SLIT3: variants seen among roughly 807,000 people sequenced by gnomAD.
The protein encoded by SLIT3 is slit guidance ligand 3.
Under a neutral mutation model 184.0 loss-of-function variants are expected in SLIT3, and 68 were observed. The observed-to-expected ratio is 0.37, with a 90% CI of 0.30 to 0.45. The LOEUF (loss-of-function observed/expected upper bound fraction) is 0.45, where lower values mean the gene tolerates loss of function less well. Ranked by LOEUF, SLIT3 falls within the 20% of genes least tolerant of loss-of-function variation. The pLI is 1.00. For missense variants in SLIT3, 1,707 were observed against 2,026.0 expected, an observed-to-expected ratio of 0.84 and a Z score of 3.02; for synonymous variants, 831 against 828.6, an observed-to-expected ratio of 1.00 and a Z score of -0.05.
chr5:168,994,186 T>C (rs1426509486), intron 4 of SLIT3: 2 of 152,198 alleles, frequency 1.3e-5, no homozygotes, highest in African/African-American at 4.8e-5. Context: ...CCACAACCCC[T>C]TGGTAAGAGT....
At chr5:169,187,119 T>TTTTTTTTTG in intron 4 of SLIT3, among the ~76,000 whole-genome samples, 1 of 140,704 alleles carries the variant, frequency 7.1e-6, no homozygotes, top group African/African-American at 2.6e-5. Flanking sequence ...AGGTTTTTTT[T>TTTTTTTTTG]TTTTTTTTTT....
chr5:169,236,715 C>T (rs1765214408), intron 3 of SLIT3, among the ~76,000 whole-genome samples: 1 of 152,118 alleles, frequency 6.6e-6, no homozygotes, highest in Non-Finnish European at 1.5e-5. Flanking sequence ...CATGATCCAC[C>T]CACCTTGGGC....
chr5:168,969,685 A>C (rs925653287), intron 4 of SLIT3, among the ~76,000 whole-genome samples: 2 of 152,144 alleles, frequency 1.3e-5, no homozygotes, highest in African/African-American at 4.8e-5. Flanking sequence ...GATAAATGGG[A>C]ACGAGACACC....
chr5:168,891,475 A>AT lies in SLIT3; in HGVS notation c.414-8140dup, dbSNP rs1210707055. 1.5e-4 allele frequency among the ~76,000 whole-genome samples: 23 copies of AT among 152,294 alleles called. 1 individual carries two copies. The East Asian group carries it at 4.3e-3, about 28-fold the overall frequency. The stretch of plus-strand genomic sequence containing the variant: ...CTTGGAGGGGAGACTGGTTGCTGGG[A>AT]TTAGGACATTCCTGGTAAGGCCTCA... On this transcript the variant is annotated intron_variant, in intron 4 of 35. Coordinates refer to ENST00000519560, the MANE Select transcript of SLIT3 (RefSeq NM_003062.4).
intron 4 of SLIT3, among the ~76,000 whole-genome samples, chr5:168,959,679 C>G (rs1347574686): frequency 1.3e-5 from 2 of 152,122 alleles, no homozygotes; most frequent in African/African-American, 4.8e-5. Context: ...GCGTCTGGAG[C>G]TTGAGGACAC....
intron 4 of SLIT3, among the ~76,000 whole-genome samples, chr5:169,072,970 G>A (rs957196386): frequency 2.0e-5 from 3 of 152,212 alleles, no homozygotes; most frequent in Non-Finnish European, 4.4e-5. Context: ...CCTCAAATAT[G>A]TGGGTAGCTT....
intron 4 of SLIT3, among the ~76,000 whole-genome samples, chr5:169,155,675 C>G (rs1284745202): frequency 2.0e-5 from 3 of 152,218 alleles, no homozygotes; most frequent in African/African-American, 7.2e-5. Context: ...GAGGTTTTTC[C>G]TTTCCTTTGA....
intron 4 of SLIT3, among the ~76,000 whole-genome samples, chr5:169,043,837 T>G (rs571047313): frequency 6.6e-6 from 1 of 152,128 alleles, no homozygotes; most frequent in East Asian, 1.9e-4. Flanking sequence ...GCCTTATAAT[T>G]AGCAAACAGC....
At chr5:168,952,645 C>A (rs1176214908) in intron 4 of SLIT3, among the ~76,000 whole-genome samples, 1 of 146,058 alleles carries the variant, frequency 6.8e-6, no homozygotes, top group Non-Finnish European at 1.5e-5. Flanking sequence ...AAAGAAAGGG[C>A]AAGGGTAGTG....
intron 4 of SLIT3, among the ~76,000 whole-genome samples, chr5:169,046,881 C>A (rs760715702): frequency 3.3e-5 from 5 of 152,200 alleles, no homozygotes; most frequent in Admixed American, 1.3e-4. Flanking sequence ...CAGGCCTGTG[C>A]CCCTACTCAG....
intron 4 of SLIT3, among the ~76,000 whole-genome samples, chr5:169,028,810 G>T (rs1034781136): frequency 7.9e-5 from 12 of 152,164 alleles, no homozygotes; most frequent in Admixed American, 3.3e-4. Flanking sequence ...CTAGAGGCAA[G>T]GTGAGAGCTA....
Position 168,774,311 on chromosome 5 carries a change from A to G in SLIT3, c.1219T>C (p.Leu407=). 1 of 1,614,066 alleles carries G rather than the reference A, an allele frequency of 6.2e-7. No individual in the cohort carries two copies. Among genetic ancestry groups the G allele is most frequent in the Admixed American group, 1.7e-5 (1 of 60,022 alleles). Residue 407 remains leucine, a synonymous_variant, in exon 13 of 36, where the codon TTG becomes CTG. Transcript: ENST00000519560. ...NTFQDLQNLN[L]LSLYDNKLQT... ...AGCTTGTTGTCATACAGGGAGAGCAAGTTGAGGTTCTGCAGGTCCTGAAAC... is the reference window on the plus strand; with the variant it reads ...AGCTTGTTGTCATACAGGGAGAGCAGGTTGAGGTTCTGCAGGTCCTGAAAC...
chr5:168,861,061 T>C (rs1040960995), intron 5 of SLIT3, among the ~76,000 whole-genome samples: 1 of 152,216 alleles, frequency 6.6e-6, no homozygotes, highest in African/African-American at 2.4e-5. Flanking sequence ...GTCTGGCCAA[T>C]TGGCCACATT....
At chr5:169,229,642 T>TTCTCTCTCTCTCTCTCTCTCTC (rs60056409) in intron 3 of SLIT3, among the ~76,000 whole-genome samples, 4 of 148,224 alleles carry the variant, frequency 2.7e-5, no homozygotes, top group African/African-American at 9.9e-5. Context: ...AAATAAATTC[T>TTCTCTCTCTCTCTCTCTCTCTC]TCTCTCTCTC....
In SLIT3 at chr5:168,823,297, C is replaced by G; in HGVS notation, c.592G>C (p.Val198Leu). 2 of 1,613,976 alleles carry G rather than the reference C, an allele frequency of 1.2e-6. No homozygotes were observed. Among genetic ancestry groups the G allele is most frequent in the Non-Finnish European group, 1.7e-6 (2 of 1,179,912 alleles). Residue 198 changes from valine to leucine, a missense_variant, in exon 7 of 36, where the codon GTC becomes CTC. Physicochemically the swap from Val to Leu is conservative, Grantham distance 32. Transcript: ENST00000519560. ...TTCGGCATGTGGTTGAAGCTGGTGACCAGGATGCGACTGATGTTGTTGTTG... is the reference window on the plus strand; with the variant it reads ...TTCGGCATGTGGTTGAAGCTGGTGAGCAGGATGCGACTGATGTTGTTGTTG... ...LNNNNISRIL[V>L]TSFNHMPKIR...
At chr5:169,221,317 G>A (rs1371278224) in intron 3 of SLIT3, among the ~76,000 whole-genome samples, 1 of 152,124 alleles carries the variant, frequency 6.6e-6, no homozygotes, top group African/African-American at 2.4e-5. Context: ...TTTCTCTCTG[G>A]CTCCGGCTCT....
At chr5:169,005,513 T>C (rs1339390312) in intron 4 of SLIT3, among the ~76,000 whole-genome samples, 3 of 152,204 alleles carry the variant, frequency 2.0e-5, no homozygotes, top group Non-Finnish European at 4.4e-5. Context: ...GCATCTTCCC[T>C]GATGACCTGG....
chr5:168,795,577 G>A lies in SLIT3; in HGVS notation c.937C>T (p.Arg313Cys), dbSNP rs143425660. 4.1e-4 allele frequency: 659 copies of A among 1,612,700 alleles called. No homozygotes were observed. Among genetic ancestry groups the A allele is most frequent in the Non-Finnish European group, 4.2e-4 (500 of 1,178,742 alleles). ...ANLPEGIVEIRLEQNSIKAIP... is the reference protein window; with the variant it reads ...ANLPEGIVEICLEQNSIKAIP... ...GCTTTGATGGAGTTCTGTTCTAGGC[G>A]TCTGGGAAACAGAGCAGAGAAGAGT... Residue 313 changes from arginine (R) to cysteine (C), a missense_variant and splice_region_variant, in exon 10 of 36, where the codon CGC becomes TGC. Arg to Cys is a radical substitution (Grantham distance 180, BLOSUM62 -3). Around this residue, in one of 3 missense-constraint regions of SLIT3, gnomAD observed 1,307 missense variants for 1,511.6 expected, o/e 0.86. Transcript: ENST00000519560.
At chr5:169,000,687 T>C (rs2113419022) in intron 4 of SLIT3, among the ~76,000 whole-genome samples, 1 of 152,268 alleles carries the variant, frequency 6.6e-6, no homozygotes, top group South Asian at 2.1e-4. Flanking sequence ...TCAAACTCAC[T>C]GAAGAATGGT....
Sources: allele counts gnomAD v4.1 joint callset (sites outside exome capture counted in the v4.1 genomes callset), GRCh38; gene constraint gnomAD v4.1.1; regional missense constraint gnomAD v4.1.1; transcripts MANE v1.5; gene names NCBI Gene and HGNC (gene_info 2026-07-23, HGNC 2026-07-21).